SUGT1: variants seen among roughly 807,000 people sequenced by gnomAD.
SUGT1 encodes the protein SGT1 assembly cochaperone of MIS12 kinetochore complex.
A neutral mutation model predicts 56.1 loss-of-function variants in SUGT1; 15 were observed. That is an observed-to-expected ratio of 0.27 (90% CI 0.18 to 0.41). The LOEUF (loss-of-function observed/expected upper bound fraction) is 0.41, where lower values mean the gene tolerates loss of function less well. SUGT1 is among the 10% of genes least tolerant of loss of function. SUGT1 has a pLI of 1.00. For synonymous variants in SUGT1, 123 were observed against 128.6 expected (o/e 0.96, Z 0.30); for missense variants, 347 against 382.2 (o/e 0.91, Z 0.77).
chr13:52,684,964 A>G (rs963552285), intron 12 of SUGT1, among the ~76,000 whole-genome samples: 2 of 150,824 alleles, frequency 1.3e-5, no homozygotes, highest in African/African-American at 4.9e-5. Flanking sequence ...TTCAGCTCCA[A>G]GTCTAGGATA....
Position 52,665,670 on chromosome 13 carries a change from C to T in SUGT1, c.456C>T (p.Val152=). The change falls in exon 9 of 13, where the codon GTC becomes GTT. Residue 152 remains valine (V), a synonymous_variant. Transcript: ENST00000310528. ...YDWYQTESQV[V]ITLMIKNVQK... ...GGTATCAAACAGAATCTCAAGTAGT[C>T]ATTACACTTATGATCAAGAATGTTC... The T allele has an allele frequency of 6.2e-7, 1 of 1,604,150 alleles. No homozygotes were observed. The highest frequency in any genetic ancestry group is 8.5e-7 in the Non-Finnish European group (1 of 1,176,856).
chr13:52,679,206 G>C (rs1963268669), intron 11 of SUGT1, among the ~76,000 whole-genome samples: 1 of 152,094 alleles, frequency 6.6e-6, no homozygotes, highest in South Asian at 2.1e-4. Flanking sequence ...AATTATTTGT[G>C]TGCCAAGATC....
chr13:52,652,839 C>G lies in SUGT1; in HGVS notation c.-82C>G. ...GACGGAAGCTCGGTTGGTGTTTCTC[C>G]AGAAGTTTCCCCCTTGGGCGGTGGT... On this transcript the variant is annotated 5_prime_UTR_variant, in exon 1 of 13. Coordinates refer to ENST00000310528, the MANE Select transcript of SUGT1 (RefSeq NM_006704.5). 1 of 1,558,782 alleles carries G rather than the reference C, an allele frequency of 6.4e-7. No individual in the cohort carries two copies. The highest frequency in any genetic ancestry group is 8.7e-7 in the Non-Finnish European group (1 of 1,149,814).
At chr13:52,685,250 CTTCTTCTTTTTT>C (rs1265334268) in intron 12 of SUGT1, among the ~76,000 whole-genome samples, 3 of 84,842 alleles carry the variant, frequency 3.5e-5, no homozygotes, top group Admixed American at 2.0e-4. Flanking sequence ...TCTTCTTCTT[CTTCTTCTTTTTT>C]TTTTTTTTTT....
In SUGT1 at chr13:52,694,582, A is replaced by G. The variant is rs988974859; in HGVS notation, c.*6747A>G. ...TTCAAAGCTCAAAACAGAAGGTAAA[A>G]CTATTAGGATTTGTGAAAAATACAA... On this transcript the variant is annotated 3_prime_UTR_variant, in exon 13 of 13. Transcript: ENST00000310528. 4.6e-5 allele frequency: 7 copies of G among 152,240 alleles called. No homozygotes were observed. In the East Asian group the frequency reaches 1.3e-3, roughly 29 times the overall value. 9.4% of individuals were successfully genotyped at this position (152,240 alleles called of 1,614,324 possible).
At chr13:52,653,491 G>T (rs1209341417) in intron 2 of SUGT1, among the ~76,000 whole-genome samples, 2 of 152,008 alleles carry the variant, frequency 1.3e-5, no homozygotes, top group South Asian at 4.2e-4. Flanking sequence ...TAAAAGTGTC[G>T]GTATGAAGTC....
At chr13:52,679,440 T>C (rs1022417256) in intron 11 of SUGT1, among the ~76,000 whole-genome samples, 3 of 152,190 alleles carry the variant, frequency 2.0e-5, no homozygotes, top group Non-Finnish European at 4.4e-5. Flanking sequence ...CTTACTTTTT[T>C]GATGGGAGAG....
intron 9 of SUGT1, 100 bp from the exon 10 acceptor site, chr13:52,666,712 A>G: frequency 1.3e-6 from 1 of 782,954 alleles, no homozygotes; most frequent in South Asian, 1.7e-5. Context: ...TGTTTAAAAT[A>G]ATTTGTAACA....
rs976419892 is a variant in SUGT1, at chr13:52,697,182, G to C, written c.*9347G>C. 6.6e-6 allele frequency: 1 copy of C among 151,802 alleles called. No individual in the cohort carries two copies. Among genetic ancestry groups the C allele is most frequent in the Admixed American group, 6.6e-5 (1 of 15,232 alleles). 9.4% of individuals were successfully genotyped at this position (151,802 alleles called of 1,614,324 possible). A position where few individuals can be genotyped will look rare whatever the true frequency, so the allele number is the denominator to read the frequency against. ...CACTCCCAGCTAATTTTTAAATTTT[G>C]TGTAGAGATGGGGTCTCCCTGCATT... is the stretch of plus-strand genomic sequence containing the variant. On this transcript the variant is annotated 3_prime_UTR_variant, in exon 13 of 13. Coordinates refer to ENST00000310528, the MANE Select transcript of SUGT1 (RefSeq NM_006704.5).
intron 10 of SUGT1, among the ~76,000 whole-genome samples, chr13:52,668,129 T>A (rs1160458887): frequency 6.6e-6 from 1 of 152,044 alleles, no homozygotes; most frequent in South Asian, 2.1e-4. Context: ...ATTACAGTCA[T>A]GTACTGCCAC....
At position 52,665,631 on chromosome 13, in the gene SUGT1, T is replaced by A. The variant is rs768478798; in HGVS notation, c.423-6T>A. On this transcript the variant is annotated splice_polypyrimidine_tract_variant and splice_region_variant and intron_variant, in intron 8 of 12. Coordinates refer to ENST00000310528, the MANE Select transcript of SUGT1 (RefSeq NM_006704.5). Reference sequence around the variant, plus strand: ...GTTACCTAAGTTTCTTTTTTTTTTTTAATAGGTATGACTGGTATCAAACAG... The same window carrying A: ...GTTACCTAAGTTTCTTTTTTTTTTTAAATAGGTATGACTGGTATCAAACAG... The A allele has an allele frequency of 3.9e-5, 60 of 1,535,550 alleles. No individual in the cohort carries two copies. The highest frequency in any genetic ancestry group is 2.7e-4 in the African/African-American group (19 of 70,472).
chr13:52,678,052 T>C (rs1292985264), intron 11 of SUGT1, among the ~76,000 whole-genome samples: 1 of 152,202 alleles, frequency 6.6e-6, no homozygotes, highest in African/African-American at 2.4e-5. Flanking sequence ...GGCAAGTCAC[T>C]TAACCTATCT....
chr13:52,664,650 A>G (rs1444820030), intron 8 of SUGT1, among the ~76,000 whole-genome samples: 1 of 152,162 alleles, frequency 6.6e-6, no homozygotes, highest in Non-Finnish European at 1.5e-5. Context: ...TCTTTAATCA[A>G]GGTGGTTTTG....
At chr13:52,666,515 AT>A (rs1566182988) in intron 9 of SUGT1, among the ~76,000 whole-genome samples, 1 of 152,172 alleles carries the variant, frequency 6.6e-6, no homozygotes, top group African/African-American at 2.4e-5. Context: ...TTGCTTTTGT[AT>A]GTTTTCTTGA....
chr13:52,686,287 A>G (rs1479917254), intron 12 of SUGT1, among the ~76,000 whole-genome samples: 1 of 152,182 alleles, frequency 6.6e-6, no homozygotes, highest in Admixed American at 6.5e-5. Context: ...TTTAAAGCCC[A>G]CTGTGTGCTA....
intron 5 of SUGT1, among the ~76,000 whole-genome samples, chr13:52,661,017 G>C (rs973013229): frequency 2.0e-5 from 3 of 152,020 alleles, no homozygotes; most frequent in Admixed American, 2.0e-4. Flanking sequence ...TTGCCATGTT[G>C]CCCAGGCTGG....
intron 12 of SUGT1, among the ~76,000 whole-genome samples, chr13:52,685,727 G>C (rs1239708861): frequency 6.6e-6 from 1 of 152,130 alleles, no homozygotes; most frequent in African/African-American, 2.4e-5. Flanking sequence ...GTGAGAATAT[G>C]AAAGAAACTA....
At chr13:52,673,183 T>C (rs963243051) in intron 10 of SUGT1, among the ~76,000 whole-genome samples, 1 of 152,138 alleles carries the variant, frequency 6.6e-6, no homozygotes, top group African/African-American at 2.4e-5. Context: ...TGTACAAACA[T>C]TGAAAGTGAA....
chr13:52,657,859 TA>T (rs1962242515), intron 3 of SUGT1, among the ~76,000 whole-genome samples: 1 of 152,218 alleles, frequency 6.6e-6, no homozygotes, highest in African/African-American at 2.4e-5. Context: ...GGTATGCTGA[TA>T]AAAAATAGCA....
Sources: allele counts gnomAD v4.1 joint callset (sites outside exome capture counted in the v4.1 genomes callset), GRCh38; gene constraint gnomAD v4.1.1; transcripts MANE v1.5; gene names NCBI Gene and HGNC (gene_info 2026-07-23, HGNC 2026-07-21).